HECTD2: variants seen among roughly 807,000 people sequenced by gnomAD.
The protein encoded by HECTD2 is HECT domain E3 ubiquitin protein ligase 2.
Under a neutral mutation model 103.2 loss-of-function variants are expected in HECTD2, and 35 were observed. The observed-to-expected ratio is 0.34, with a 90% confidence interval of 0.26 to 0.45. HECTD2 has a LOEUF of 0.45. Among genes scored for constraint, HECTD2 ranks in the 20% least tolerant of loss-of-function variants. The pLI is 1.00. For missense variants in HECTD2, 596 were observed against 937.4 expected, an observed-to-expected ratio of 0.64 and a Z score of 4.76; for synonymous variants, 281 against 329.9, an observed-to-expected ratio of 0.85 and a Z score of 1.61.
chr10:91,512,383 A>G lies in HECTD2; in HGVS notation c.2330A>G (p.Ter777=), dbSNP rs1295397830. The G allele has an allele frequency of 1.2e-6, 2 of 1,612,210 alleles. No homozygotes were observed. The highest frequency in any genetic ancestry group is 2.2e-5 in the East Asian group (1 of 44,866). ...AATTCAGAAGGTTTTGGACTTGAGTAACCTAGAAGACTTGAAATATAATCT... is the reference window on the plus strand; with the variant it reads ...AATTCAGAAGGTTTTGGACTTGAGTGACCTAGAAGACTTGAAATATAATCT... ...ISNSEGFGLE[*] is the part of the protein sequence containing the mutation. Residue 777 remains the stop codon, a stop_retained_variant, in exon 21 of 21, where the codon TAA becomes TGA. Coordinates refer to ENST00000298068, the MANE Select transcript of HECTD2 (RefSeq NM_182765.6).
At chr10:91,498,206 T>C (rs1846758148) in intron 16 of HECTD2, 24 bp downstream of exon 16, 7 of 1,472,458 alleles carry the variant, frequency 4.8e-6, no homozygotes, top group Non-Finnish European at 5.7e-6. Flanking sequence ...CAAGTAGTTA[T>C]CTGTTAATCA....
chr10:91,425,254 C>T, intron 1 of HECTD2, 27 bp from the exon 2 acceptor site: 1 of 1,437,086 alleles, frequency 7.0e-7, no homozygotes. Flanking sequence ...AGGAAGTATA[C>T]TGCAATGTTA....
intron 2 of HECTD2, among the ~76,000 whole-genome samples, chr10:91,453,310 A>T (rs1040979762): frequency 6.6e-6 from 1 of 152,128 alleles, no homozygotes; most frequent in African/African-American, 2.4e-5. Context: ...GCATGCCTGT[A>T]GTCCTAGCTA....
Position 91,513,344 on chromosome 10 carries a change from A to G in HECTD2, c.*960A>G, listed in dbSNP as rs1427298162. ...ATTTTTTGATCACCAGTTGTACCAA[A>G]ACACTAATTTTTGAAAAAGATAGGT... On this transcript the variant is annotated 3_prime_UTR_variant, in exon 21 of 21. Transcript: ENST00000298068. The G allele has an allele frequency of 6.6e-6, 1 of 152,638 alleles. No individual in the cohort carries two copies. The highest frequency in any genetic ancestry group is 2.4e-5 in the African/African-American group (1 of 41,446). 9.5% of individuals were successfully genotyped at this position (152,638 alleles called of 1,614,324 possible). A position where few individuals can be genotyped will look rare whatever the true frequency, so the allele number is the denominator to read the frequency against.
Position 91,484,588 on chromosome 10 carries a change from A to G in HECTD2, c.903A>G (p.Glu301=). Residue 301 remains glutamate (E), a synonymous_variant, in exon 9 of 21, where the codon GAA becomes GAG. Coordinates refer to ENST00000298068, the MANE Select transcript of HECTD2 (RefSeq NM_182765.6). ...ISLRLFPAKP[E]EFPPITKCSW... ...TACGCCTGTTTCCTGCAAAGCCTGA[A>G]GAATTTCCACCTATAACAAAGTGTT... 1.2e-6 allele frequency: 2 copies of G among 1,612,682 alleles called. No individual in the cohort carries two copies. The highest frequency in any genetic ancestry group is 8.5e-7 in the Non-Finnish European group (1 of 1,179,072).
At chr10:91,449,134 T>C (rs1286703775) in intron 2 of HECTD2, among the ~76,000 whole-genome samples, 3 of 151,892 alleles carry the variant, frequency 2.0e-5, no homozygotes, top group Non-Finnish European at 4.4e-5. Flanking sequence ...CTCAGTAAAA[T>C]ACTGGCAAAC....
At chr10:91,411,238 T>C (rs914684651) in intron 1 of HECTD2, among the ~76,000 whole-genome samples, 5 of 152,218 alleles carry the variant, frequency 3.3e-5, no homozygotes, top group Non-Finnish European at 7.3e-5. Context: ...AAGGGTTATT[T>C]GGAGAGCGCT....
intron 2 of HECTD2, among the ~76,000 whole-genome samples, chr10:91,433,559 T>C (rs1843988398): frequency 6.6e-6 from 1 of 152,146 alleles, no homozygotes; most frequent in East Asian, 1.9e-4. Flanking sequence ...TGTATTGAAG[T>C]AAGTAAACTG....
chr10:91,503,056 T>C (rs967586626), intron 20 of HECTD2, among the ~76,000 whole-genome samples: 8 of 152,288 alleles, frequency 5.3e-5, no homozygotes, highest in South Asian at 4.1e-4. Flanking sequence ...ATTCACTAGA[T>C]TTTTGTTAAA....
At position 91,483,082 on chromosome 10, in the gene HECTD2, T is replaced by G. The variant is rs1212029829; in HGVS notation, c.821+6T>G. On this transcript the variant is annotated splice_donor_region_variant and intron_variant, in intron 8 of 20. Coordinates refer to ENST00000298068, the MANE Select transcript of HECTD2 (RefSeq NM_182765.6). ...CTAGTTCACTGGTTTAAAAAGTAAA[T>G]CATTCTATGATATTAAGAACTTTTA... 53 of 1,327,520 alleles carry G rather than the reference T, an allele frequency of 4.0e-5. No individual in the cohort carries two copies. Among genetic ancestry groups the G allele is most frequent in the Non-Finnish European group, 5.7e-5 (53 of 929,502 alleles). The allele number at this position is 1,327,520 out of a possible 1,614,324, so 82.2% of individuals were successfully genotyped here.
At chr10:91,426,637 T>G (rs17106657) in intron 2 of HECTD2, among the ~76,000 whole-genome samples, 30,344 of 151,520 alleles carry the variant, frequency 0.2, 7,212 homozygotes, top group African/African-American at 0.58. Context: ...AGGCACCTTT[T>G]AGTTCACACT....
chr10:91,475,083 C>A (rs140817593), intron 5 of HECTD2, among the ~76,000 whole-genome samples: 157 of 152,186 alleles, frequency 1.0e-3, no homozygotes, highest in Non-Finnish European at 1.5e-3. Context: ...TATGACCATG[C>A]AAGTTTAATT....
At position 91,460,544 on chromosome 10, in the gene HECTD2, C is replaced by G. The variant is rs372063843; in HGVS notation, c.386C>G (p.Pro129Arg). The G allele has an allele frequency of 2.2e-4, 362 of 1,610,074 alleles. No individual in the cohort carries two copies. The highest frequency in any genetic ancestry group is 3.0e-4 in the Non-Finnish European group (356 of 1,178,546). The change falls in exon 3 of 21, where the codon CCC (proline) becomes CGC (arginine). Residue 129 changes from proline (P) to arginine (R), a missense_variant. Pro to Arg is a moderately radical substitution (Grantham distance 103). Transcript: ENST00000298068. ...VLPEPILPIQ[P>R]KTVKDFQEDV... ...CCAGAACCTATTCTTCCTATCCAGC[C>G]CAAAACTGTGAAAGACTTTCAGTAA... is the stretch of plus-strand genomic sequence containing the variant.
chr10:91,462,465 T>C (rs1386931606), intron 5 of HECTD2: 1 of 1,210,056 alleles, frequency 8.3e-7, no homozygotes, highest in African/African-American at 1.6e-5. Flanking sequence ...TATTTAATTA[T>C]ATTGGAATTA....
At chr10:91,500,389 TG>T in intron 18 of HECTD2, 112 bp from the exon 19 acceptor site, 1 of 505,298 alleles carries the variant, frequency 2.0e-6, no homozygotes, top group Non-Finnish European at 3.6e-6. Context: ...AAAAATGGTT[TG>T]ATTTACTATG....
rs1490395497 is a variant in HECTD2, at chr10:91,513,972, C to G, written c.*1588C>G. ...GTATATTATTTCAAGGGTATTTCTTCTTAAAAATCTTGGAAAGCCTAAGAG... is the reference window on the plus strand; with the variant it reads ...GTATATTATTTCAAGGGTATTTCTTGTTAAAAATCTTGGAAAGCCTAAGAG... On this transcript the variant is annotated 3_prime_UTR_variant, in exon 21 of 21. Transcript: ENST00000298068. The G allele has an allele frequency of 6.6e-6, 1 of 152,546 alleles. No homozygotes were observed. The highest frequency in any genetic ancestry group is 2.4e-5 in the African/African-American group (1 of 41,436). 9.4% of individuals were successfully genotyped at this position (152,546 alleles called of 1,614,324 possible). A position where few individuals can be genotyped will look rare whatever the true frequency, so the allele number is the denominator to read the frequency against.
At chr10:91,475,650 C>T (rs1264120219) in intron 5 of HECTD2, among the ~76,000 whole-genome samples, 1 of 152,096 alleles carries the variant, frequency 6.6e-6, no homozygotes, top group African/African-American at 2.4e-5. Flanking sequence ...AGAAATGAGG[C>T]GGTAGCTAGA....
chr10:91,433,525 A>G (rs1284837171), intron 2 of HECTD2, among the ~76,000 whole-genome samples: 1 of 152,020 alleles, frequency 6.6e-6, no homozygotes, highest in Non-Finnish European at 1.5e-5. Flanking sequence ...TTACAAATAT[A>G]TTCCATTGTA....
chr10:91,428,534 A>G (rs368401504), intron 2 of HECTD2, among the ~76,000 whole-genome samples: 4 of 151,996 alleles, frequency 2.6e-5, no homozygotes, highest in South Asian at 2.1e-4. Context: ...CCATTTGTTT[A>G]TATCCTCTTT....
Sources: allele counts gnomAD v4.1 joint callset (sites outside exome capture counted in the v4.1 genomes callset), GRCh38; gene constraint gnomAD v4.1.1; transcripts MANE v1.5; gene names NCBI Gene and HGNC (gene_info 2026-07-23, HGNC 2026-07-21).